Variants in MOV10L1 observed in about 807,000 individuals in gnomAD.
The protein encoded by MOV10L1 is Mov10 like RNA helicase 1.
A neutral mutation model predicts 143.8 loss-of-function variants in MOV10L1; 110 were observed. The ratio of observed to expected loss-of-function variants is 0.76; its 90% CI spans 0.66 to 0.90. The LOEUF (loss-of-function observed/expected upper bound fraction) is 0.90. Ranked by LOEUF, MOV10L1 falls within the 40% of genes least tolerant of loss-of-function variation. The probability of loss-of-function intolerance (pLI) is 0.00; values close to 1 mark genes in which losing one functional copy is unlikely to be tolerated. For synonymous variants in MOV10L1, 593 were observed against 581.1 expected (o/e 1.02, Z -0.29); for missense variants, 1,406 against 1,526.8 (o/e 0.92, Z 1.32).
intron 1 of MOV10L1, among the ~76,000 whole-genome samples, 155 bp from the exon 2 acceptor site, chr22:50,091,846 T>C (rs2062452375): frequency 6.6e-6 from 1 of 152,150 alleles, no homozygotes; most frequent in Non-Finnish European, 1.5e-5. Context: ...CACTCTCTGA[T>C]GGGATTCTCT....
intron 3 of MOV10L1, among the ~76,000 whole-genome samples, chr22:50,102,260 A>G (rs1352577118): frequency 6.6e-6 from 1 of 152,218 alleles, no homozygotes; most frequent in Non-Finnish European, 1.5e-5. Flanking sequence ...CAATGTGCAA[A>G]AAGGCTGATA....
intron 21 of MOV10L1, 85 bp downstream of exon 21, chr22:50,150,984 A>C (rs2063285723): frequency 6.5e-7 from 1 of 1,535,960 alleles, no homozygotes; most frequent in Non-Finnish European, 8.8e-7. Flanking sequence ...TCTTCTGTCC[A>C]CCTGAGTCAT....
At position 50,090,146 on chromosome 22, in the gene MOV10L1, A is replaced by C; in HGVS notation, c.58A>C (p.Arg20=). 5.6e-6 allele frequency: 8 copies of C among 1,422,462 alleles called. No individual in the cohort carries two copies. Among genetic ancestry groups the C allele is most frequent in the East Asian group, 2.8e-5 (1 of 35,958 alleles). The allele number at this position is 1,422,462 out of a possible 1,614,324, so 88.1% of individuals were successfully genotyped here. A position where few individuals can be genotyped will look rare whatever the true frequency, so the allele number is the denominator to read the frequency against. The change falls in exon 1 of 27, where the codon AGG becomes CGG. Residue 20 remains arginine, a synonymous_variant. Transcript: ENST00000262794. The part of the protein sequence containing the change: ...AFFWRTADTP[R]EEAGQLEPEL... ...CTTCTGGAGGACGGCGGACACCCCT[A>C]GGGAGGAAGCCGGGCAGCTGGAGCC... is the stretch of plus-strand genomic sequence containing the variant.
intron 15 of MOV10L1, among the ~76,000 whole-genome samples, chr22:50,141,424 G>A (rs1226770751): frequency 6.6e-6 from 1 of 151,676 alleles, no homozygotes; most frequent in Non-Finnish European, 1.5e-5. Flanking sequence ...CGCCTCCTGG[G>A]CTCAAGTGAT....
At chr22:50,143,251 GC>G in intron 17 of MOV10L1, 30 bp downstream of exon 17, 2 of 1,603,580 alleles carry the variant, frequency 1.2e-6, no homozygotes, top group Non-Finnish European at 1.7e-6. Context: ...GGGTGCTGTG[GC>G]TCTGTGCTGC....
intron 22 of MOV10L1, among the ~76,000 whole-genome samples, chr22:50,154,398 A>C (rs1162267224): frequency 6.6e-6 from 1 of 151,942 alleles, no homozygotes. Flanking sequence ...TCTCTTAAAA[A>C]AAAATTTTTT....
Position 50,125,421 on chromosome 22 carries a change from G to A in MOV10L1, c.1599G>A (p.Lys533=), listed in dbSNP as rs975986003. The part of the protein sequence containing the change: ...ELLNMSNYKE[K]FSTLLWLEEI... ...TGAACATGTCAAATTACAAGGAGAA[G>A]TTTTCGACTTTGCTGTGGCTTGAGG... is the stretch of plus-strand genomic sequence containing the variant. The change falls in exon 11 of 27, where the codon AAG becomes AAA. Residue 533 remains lysine (K), a synonymous_variant. Transcript: ENST00000262794. The A allele has an allele frequency of 6.2e-7, 1 of 1,614,224 alleles. No homozygotes were observed. The highest frequency in any genetic ancestry group is 8.5e-7 in the Non-Finnish European group (1 of 1,180,032).
intron 13 of MOV10L1, among the ~76,000 whole-genome samples, chr22:50,130,219 G>A (rs1301892094): frequency 6.6e-6 from 1 of 152,064 alleles, no homozygotes; most frequent in Non-Finnish European, 1.5e-5. Flanking sequence ...AGGTTGCGGT[G>A]AGCTGAGATC....
chr22:50,118,770 C>T (rs992628288), intron 9 of MOV10L1, among the ~76,000 whole-genome samples: 6 of 152,080 alleles, frequency 3.9e-5, no homozygotes, highest in African/African-American at 2.4e-5. Context: ...CAGGCTGTGA[C>T]GTCAGTAAGC....
chr22:50,156,179 G>C (rs1040726862), intron 22 of MOV10L1, among the ~76,000 whole-genome samples: 1 of 150,916 alleles, frequency 6.6e-6, no homozygotes, highest in Non-Finnish European at 1.5e-5. Flanking sequence ...ACAGTGGCAT[G>C]ATCTTGGCTC....
intron 10 of MOV10L1, 117 bp downstream of exon 10, chr22:50,120,733 G>A: frequency 1.3e-6 from 1 of 746,222 alleles, no homozygotes; most frequent in Non-Finnish European, 2.3e-6. Context: ...TTTCTTCACA[G>A]GTAGCTGGGA....
Position 50,145,092 on chromosome 22 carries a change from G to C in MOV10L1, c.2506-597G>C, listed in dbSNP as rs561221268. Among the ~76,000 whole-genome samples the C allele has an allele frequency of 8.5e-5, 13 of 152,122 alleles. No individual in the cohort carries two copies. In the East Asian group the frequency reaches 1.9e-3, roughly 23 times the overall value. ...TAAGTACCTAGGATTACAGGTGTGT[G>C]CCACCACATCCAGCTAATTTTGTAT... On this transcript the variant is annotated intron_variant, in intron 18 of 26. Coordinates refer to ENST00000262794, the MANE Select transcript of MOV10L1 (RefSeq NM_018995.3).
chr22:50,120,672 C>T, intron 10 of MOV10L1, 56 bp downstream of exon 10: 3 of 1,268,174 alleles, frequency 2.4e-6, no homozygotes, highest in Non-Finnish European at 3.4e-6. Flanking sequence ...CTCTTGTTTT[C>T]TGACAAAGCC....
At position 50,140,552 on chromosome 22, in the gene MOV10L1, A is replaced by G. The variant is rs926051404; in HGVS notation, c.2071-1529A>G. On this transcript the variant is annotated intron_variant, in intron 15 of 26. Coordinates refer to ENST00000262794, the MANE Select transcript of MOV10L1 (RefSeq NM_018995.3). ...AATTCACTAACACTAATGATAGCTG[A>G]TGAGCTGAAAAAAATATGTATCACA... Among the ~76,000 whole-genome samples, 49 of 152,132 alleles carry G rather than the reference A, an allele frequency of 3.2e-4. 1 individual carries two copies. Among genetic ancestry groups the G allele is most frequent in the Admixed American group, 2.8e-3 (43 of 15,264 alleles).
chr22:50,109,497 G>A (rs548888261), intron 5 of MOV10L1, among the ~76,000 whole-genome samples: 11 of 150,544 alleles, frequency 7.3e-5, no homozygotes, highest in Non-Finnish European at 1.0e-4. Flanking sequence ...GTGAAACCCC[G>A]TGTCTACTAA....
At chr22:50,127,159 C>T (rs1041406563) in intron 12 of MOV10L1, among the ~76,000 whole-genome samples, 3 of 152,070 alleles carry the variant, frequency 2.0e-5, no homozygotes, top group African/African-American at 7.2e-5. Flanking sequence ...GCCGAATGAC[C>T]ATCTTAGCCT....
At chr22:50,142,665 T>TAA (rs547890389) in intron 16 of MOV10L1, among the ~76,000 whole-genome samples, 7 of 140,736 alleles carry the variant, frequency 5.0e-5, no homozygotes, top group African/African-American at 1.6e-4. Context: ...CTTGTCTCTA[T>TAA]AAAAAAAAAA....
In MOV10L1 at chr22:50,090,058, C is replaced by T. The variant is rs2062384257; in HGVS notation, c.-31C>T. On this transcript the variant is annotated 5_prime_UTR_variant, in exon 1 of 27. Coordinates refer to ENST00000262794, the MANE Select transcript of MOV10L1 (RefSeq NM_018995.3). ...GGGCGCGTGCGGGCGGCGGCAGCGGCGGTGACGGCAGCCTAGGCCGGGCGA... is the reference window on the plus strand; with the variant it reads ...GGGCGCGTGCGGGCGGCGGCAGCGGTGGTGACGGCAGCCTAGGCCGGGCGA... The T allele has an allele frequency of 2.4e-6, 3 of 1,230,634 alleles. No homozygotes were observed. Among genetic ancestry groups the T allele is most frequent in the Non-Finnish European group, 3.1e-6 (3 of 982,862 alleles). The allele number at this position is 1,230,634 out of a possible 1,614,324, so 76.2% of individuals were successfully genotyped here. A position where few individuals can be genotyped will look rare whatever the true frequency, so the allele number is the denominator to read the frequency against.
At chr22:50,146,957 C>A (rs190015304) in intron 19 of MOV10L1, 91 of 1,062,268 alleles carry the variant, frequency 8.6e-5, no homozygotes, top group Admixed American at 4.9e-4. Flanking sequence ...AGCCACTGTG[C>A]GGTGCCCGAG....
Sources: allele counts gnomAD v4.1 joint callset (sites outside exome capture counted in the v4.1 genomes callset), GRCh38; gene constraint gnomAD v4.1.1; transcripts MANE v1.5; gene names NCBI Gene and HGNC (gene_info 2026-07-23, HGNC 2026-07-21).